The following KIAA1671 variants were observed in gnomAD, a reference collection of about 807,000 sequenced individuals.
The protein encoded by KIAA1671 is KIAA1671.
KIAA1671 carries 52 observed loss-of-function variants against 131.2 expected under a neutral mutation model. That is an observed-to-expected ratio of 0.40 (90% confidence interval 0.32 to 0.50). The LOEUF (loss-of-function observed/expected upper bound fraction) is 0.50, where lower values mean the gene tolerates loss of function less well. Among genes scored for constraint, KIAA1671 ranks in the 20% least tolerant of loss-of-function variants. KIAA1671 has a pLI of 0.73. For synonymous variants in KIAA1671, 1,003 were observed against 961.6 expected (o/e 1.04, Z -0.80); for missense variants, 2,360 against 2,364.2 (o/e 1.00, Z 0.04).
At chr22:24,982,304 T>G (rs986211857) in intron 1 of KIAA1671, among the ~76,000 whole-genome samples, 41 of 152,230 alleles carry the variant, frequency 2.7e-4, no homozygotes, top group Non-Finnish European at 4.7e-4. Flanking sequence ...AAATGCCGCT[T>G]TCACTGCAGG....
At chr22:25,143,285 T>G (rs569715867) in intron 6 of KIAA1671, among the ~76,000 whole-genome samples, 59 of 152,292 alleles carry the variant, frequency 3.9e-4, no homozygotes, top group African/African-American at 1.3e-3. Flanking sequence ...AGATGGAATG[T>G]GTGGGCCTCC....
intron 1 of KIAA1671, among the ~76,000 whole-genome samples, chr22:25,020,788 G>C (rs1364757720): frequency 6.6e-6 from 1 of 152,224 alleles, no homozygotes. Context: ...TTTGTGGCCT[G>C]TCTGGGGTTC....
At chr22:25,153,112 T>C (rs2145980536) in intron 6 of KIAA1671, among the ~76,000 whole-genome samples, 1 of 152,322 alleles carries the variant, frequency 6.6e-6, no homozygotes, top group East Asian at 1.9e-4. Flanking sequence ...CCACATAGTA[T>C]AGTATATCAA....
chr22:25,065,031 G>A (rs1298860126), intron 6 of KIAA1671: 2 of 152,256 alleles, frequency 1.3e-5, no homozygotes, highest in Admixed American at 1.3e-4. Flanking sequence ...TTAAAAGATG[G>A]TTGAACGTCC....
At chr22:24,963,388 AG>A (rs1213314316) in intron 1 of KIAA1671, among the ~76,000 whole-genome samples, 5 of 144,030 alleles carry the variant, frequency 3.5e-5, no homozygotes, top group Non-Finnish European at 4.5e-5. Flanking sequence ...AAAAAAAAAA[AG>A]TATCCTGTAT....
intron 6 of KIAA1671, among the ~76,000 whole-genome samples, chr22:25,082,230 T>C (rs1929449801): frequency 6.6e-6 from 1 of 152,136 alleles, no homozygotes; most frequent in Non-Finnish European, 1.5e-5. Context: ...CCCAGCATCT[T>C]CTTTGTTGAA....
At chr22:25,080,483 C>T (rs1929345151) in intron 6 of KIAA1671, among the ~76,000 whole-genome samples, 2 of 152,226 alleles carry the variant, frequency 1.3e-5, no homozygotes. Flanking sequence ...GAGAATTCAG[C>T]TGAGCCCAGG....
chr22:25,012,635 T>C (rs917483447), intron 1 of KIAA1671: 40 of 152,298 alleles, frequency 2.6e-4, no homozygotes, highest in African/African-American at 9.1e-4. Context: ...AAAACTCTTT[T>C]GTAAACAAAA....
chr22:25,080,084 A>G (rs1301694740), intron 6 of KIAA1671, among the ~76,000 whole-genome samples: 1 of 152,196 alleles, frequency 6.6e-6, no homozygotes, highest in Non-Finnish European at 1.5e-5. Context: ...GCCATCTGCT[A>G]AAAGATGGAG....
chr22:25,145,279 G>T (rs1932860409), intron 6 of KIAA1671, among the ~76,000 whole-genome samples: 1 of 152,204 alleles, frequency 6.6e-6, no homozygotes, highest in African/African-American at 2.4e-5. Flanking sequence ...GAGTTAAAAA[G>T]CCTCTGAAAT....
At chr22:25,073,110 C>T (rs1928914883) in intron 6 of KIAA1671, among the ~76,000 whole-genome samples, 1 of 152,146 alleles carries the variant, frequency 6.6e-6, no homozygotes, top group African/African-American at 2.4e-5. Context: ...ACTCTGTCAC[C>T]CAGGCTGCAG....
rs1014150338 is a variant in KIAA1671 at position 25,167,408 on chromosome 22, G to C, written c.4531-3412G>C. Among the ~76,000 whole-genome samples, 14 of 152,270 alleles carry C rather than the reference G, an allele frequency of 9.2e-5. No homozygotes were observed. In the East Asian group the frequency reaches 2.5e-3, roughly 27 times the overall value. On this transcript the variant is annotated intron_variant, in intron 6 of 12. Transcript: ENST00000358431. ...GTTCGTCATATTATTGATTATAGTGGTGAAGAAAATCCTCAGCAACCAAAA... is the reference window on the plus strand; with the variant it reads ...GTTCGTCATATTATTGATTATAGTGCTGAAGAAAATCCTCAGCAACCAAAA...
chr22:25,044,635 TA>T (rs34811266), intron 5 of KIAA1671, among the ~76,000 whole-genome samples: 111,902 of 150,460 alleles, frequency 0.74, 42,694 homozygotes, highest in African/African-American at 0.93. Context: ...TCTTTGATCT[TA>T]AAAAAAAAAA....
chr22:25,031,807 G>C (rs1926309791), intron 3 of KIAA1671, among the ~76,000 whole-genome samples: 1 of 152,168 alleles, frequency 6.6e-6, no homozygotes, highest in African/African-American at 2.4e-5. Flanking sequence ...TGACAGGTGG[G>C]GAAACTGAGG....
chr22:25,148,482 C>T (rs1932934893), intron 6 of KIAA1671, among the ~76,000 whole-genome samples: 1 of 152,184 alleles, frequency 6.6e-6, no homozygotes, highest in Non-Finnish European at 1.5e-5. Flanking sequence ...CAGTTGGAGG[C>T]AAGGAAGGGC....
At position 25,028,460 on chromosome 22, in the gene KIAA1671, CCG is replaced by C. The variant is rs1926082346; in HGVS notation, c.463_464del (p.Ala155SerfsTer6). ...CTCTTCGAAACCACCAAAAGCGGCC[CCG>C]CTCTGGGGAAGGCGGTTAGTGAGGG... is the stretch of plus-strand genomic sequence containing the variant. On this transcript the variant is annotated frameshift_variant, in exon 3 of 13. Transcript: ENST00000358431. LOFTEE classifies it high-confidence loss of function. The C allele has an allele frequency of 6.4e-7, 1 of 1,550,486 alleles. No individual in the cohort carries two copies. Among genetic ancestry groups the C allele is most frequent in the African/African-American group, 1.4e-5 (1 of 73,170 alleles).
intron 1 of KIAA1671, among the ~76,000 whole-genome samples, chr22:25,016,869 C>T (rs1163975472): frequency 1.3e-5 from 2 of 152,182 alleles, no homozygotes; most frequent in Non-Finnish European, 2.9e-5. Flanking sequence ...CGGTGTTAAA[C>T]AGCAACTGTT....
chr22:25,141,122 A>G (rs1408282924), intron 6 of KIAA1671, among the ~76,000 whole-genome samples: 1 of 152,154 alleles, frequency 6.6e-6, no homozygotes, highest in Non-Finnish European at 1.5e-5. Context: ...AATTACCCCT[A>G]TATTTTTATC....
rs1978684806 is a variant in KIAA1671, at chr22:25,029,312, G to A, written c.1313G>A (p.Arg438Lys). 1 of 1,539,546 alleles carries A rather than the reference G, an allele frequency of 6.5e-7. No individual in the cohort carries two copies. The highest frequency in any genetic ancestry group is 8.8e-7 in the Non-Finnish European group (1 of 1,139,894). ...GGEWASRRSV[R>K]KCISLFREDS... ...GAGTGGGCCTCCAGGAGGAGTGTCA[G>A]GAAGTGCATCAGCCTGTTTCGGGAG... is the stretch of plus-strand genomic sequence containing the variant. Residue 438 changes from arginine to lysine, a missense_variant, in exon 3 of 13, where the codon AGG becomes AAG. Physicochemically the swap from Arg to Lys is conservative, Grantham distance 26. Transcript: ENST00000358431.
Sources: allele counts gnomAD v4.1 joint callset (sites outside exome capture counted in the v4.1 genomes callset), GRCh38; gene constraint gnomAD v4.1.1; transcripts MANE v1.5; gene names NCBI Gene and HGNC (gene_info 2026-07-23, HGNC 2026-07-21).